Variants in ANKRD30B observed in about 807,000 individuals in gnomAD.
ANKRD30B encodes ankyrin repeat domain 30B.
In ANKRD30B, 144 loss-of-function variants were observed where a neutral mutation model predicts 202.2. The observed-to-expected ratio is 0.71, with a 90% CI of 0.62 to 0.82. ANKRD30B has a LOEUF of 0.82. Ranked by LOEUF, ANKRD30B falls within the 40% of genes least tolerant of loss-of-function variation. The pLI is 0.00. For synonymous variants in ANKRD30B, 508 were observed against 561.3 expected, an observed-to-expected ratio of 0.91 and a Z score of 1.34; for missense variants, 1,487 against 1,669.1, an observed-to-expected ratio of 0.89 and a Z score of 1.90.
chr18:14,795,195 C>G (rs1968792171), intron 16 of ANKRD30B, among the ~76,000 whole-genome samples: 1 of 152,264 alleles, frequency 6.6e-6, no homozygotes, highest in East Asian at 1.9e-4. Flanking sequence ...ACTTTCATAT[C>G]AGGTGTTTTT....
the ANKRD30B span, among the ~76,000 whole-genome samples, chr18:14,889,083 G>A: frequency 6.6e-6 from 1 of 150,858 alleles, no homozygotes; most frequent in African/African-American, 2.4e-5. Flanking sequence ...TGCATAAAAA[G>A]GTATCTTAAA....
chr18:14,831,508 T>A, intron 34 of ANKRD30B, 53 bp downstream of exon 34: 1 of 951,818 alleles, frequency 1.1e-6, no homozygotes, highest in Non-Finnish European at 1.6e-6. Flanking sequence ...TAATTCTGTA[T>A]AGTATTTACT....
At chr18:14,819,609 T>C (rs1466221749) in intron 30 of ANKRD30B, among the ~76,000 whole-genome samples, 1 of 152,188 alleles carries the variant, frequency 6.6e-6, no homozygotes, top group Non-Finnish European at 1.5e-5. Flanking sequence ...GCACCATTTA[T>C]TAAATAGGGA....
the ANKRD30B span, among the ~76,000 whole-genome samples, chr18:14,876,363 T>C: frequency 6.6e-6 from 1 of 152,200 alleles, no homozygotes; most frequent in African/African-American, 2.4e-5. Flanking sequence ...GGCACAAATT[T>C]CAGATGCTTC....
At chr18:14,879,384 C>A in the ANKRD30B span, among the ~76,000 whole-genome samples, 76 of 152,176 alleles carry the variant, frequency 5.0e-4, no homozygotes, top group Non-Finnish European at 7.5e-4. Flanking sequence ...AATATGACAC[C>A]CCCATCGCTC....
chr18:14,850,655 A>T (rs1280800677), intron 41 of ANKRD30B, among the ~76,000 whole-genome samples: 1 of 151,852 alleles, frequency 6.6e-6, no homozygotes, highest in Non-Finnish European at 1.5e-5. Context: ...ATTCCTAGCA[A>T]CATAGATTAG....
the ANKRD30B span, among the ~76,000 whole-genome samples, chr18:14,939,387 C>T: frequency 2.0e-5 from 3 of 152,292 alleles, no homozygotes; most frequent in African/African-American, 7.2e-5. Context: ...GGAGCCTCCT[C>T]ACACCCAAGG....
chr18:14,855,809 T>C (rs1258447595), downstream of ANKRD30B, among the ~76,000 whole-genome samples: 4 of 120,664 alleles, frequency 3.3e-5, no homozygotes, highest in African/African-American at 3.2e-5. Flanking sequence ...TGCTCCTCAT[T>C]TCCCAGACGG....
chr18:14,778,882 G>C (rs1309324120), intron 10 of ANKRD30B, among the ~76,000 whole-genome samples: 2 of 152,158 alleles, frequency 1.3e-5, no homozygotes, highest in Non-Finnish European at 2.9e-5. Flanking sequence ...TCAAGGGAAA[G>C]CATTATATTG....
chr18:14,797,953 T>G, intron 20 of ANKRD30B, 99 bp downstream of exon 20: 1 of 1,149,728 alleles, frequency 8.7e-7, no homozygotes, highest in Admixed American at 2.7e-5. Context: ...CTTTTGAAAA[T>G]TTGATGGGAA....
At chr18:14,824,144 T>C (rs1421685405) in intron 32 of ANKRD30B, among the ~76,000 whole-genome samples, 1 of 151,912 alleles carries the variant, frequency 6.6e-6, no homozygotes, top group East Asian at 1.9e-4. Context: ...TTAGGTGTAC[T>C]CAATACAGTT....
At chr18:14,815,663 T>C (rs1568040525) in intron 30 of ANKRD30B, among the ~76,000 whole-genome samples, 1 of 152,296 alleles carries the variant, frequency 6.6e-6, no homozygotes, top group East Asian at 1.9e-4. Context: ...GAAAGAAAAT[T>C]CTGAATTTAT....
intron 1 of ANKRD30B, 144 bp downstream of exon 1, chr18:14,748,784 C>T (rs1466632459): frequency 3.3e-5 from 31 of 938,980 alleles, no homozygotes; most frequent in East Asian, 1.4e-4. Context: ...TCCTGGGCCC[C>T]GAGGTCTTGG....
chr18:14,797,532 C>T (rs376705360), intron 18 of ANKRD30B, 129 bp from the exon 19 acceptor site: 1 of 1,078,786 alleles, frequency 9.3e-7, no homozygotes. Context: ...CCCAAAGGAC[C>T]CCAAAACCTA....
At chr18:14,881,411 C>A in the ANKRD30B span, among the ~76,000 whole-genome samples, 12 of 152,024 alleles carry the variant, frequency 7.9e-5, no homozygotes, top group Non-Finnish European at 1.5e-4. Flanking sequence ...TTAAACCATT[C>A]CTGTATCATT....
the ANKRD30B span, among the ~76,000 whole-genome samples, chr18:14,870,736 T>C: frequency 1.3e-5 from 2 of 152,114 alleles, no homozygotes; most frequent in Admixed American, 6.5e-5. Context: ...TGAAGCACCA[T>C]GTGCCTTGAA....
chr18:14,916,566 A>C, the ANKRD30B span, among the ~76,000 whole-genome samples: 1 of 152,272 alleles, frequency 6.6e-6, no homozygotes, highest in Non-Finnish European at 1.5e-5. Flanking sequence ...TGTACCATGC[A>C]CACTGGGAAG....
chr18:14,923,362 G>T, the ANKRD30B span, among the ~76,000 whole-genome samples: 5 of 152,174 alleles, frequency 3.3e-5, no homozygotes, highest in Admixed American at 3.3e-4. Flanking sequence ...ATTGGCAGTG[G>T]CCTGGCAGTA....
chr18:14,897,340 G>A, the ANKRD30B span, among the ~76,000 whole-genome samples: 12 of 151,938 alleles, frequency 7.9e-5, no homozygotes, highest in Non-Finnish European at 1.3e-4. Flanking sequence ...ACCACCACGC[G>A]CGCCTAATTT....
Sources: allele counts gnomAD v4.1 joint callset (sites outside exome capture counted in the v4.1 genomes callset), GRCh38; gene constraint gnomAD v4.1.1; transcripts MANE v1.5; gene names NCBI Gene and HGNC (gene_info 2026-07-23, HGNC 2026-07-21).